Variants in COL4A2 observed in about 807,000 individuals in gnomAD.
COL4A2 encodes the protein collagen type IV alpha 2 chain, also known as collagen alpha-2(IV) chain.
Under a neutral mutation model 200.2 loss-of-function variants are expected in COL4A2, and 99 were observed. The ratio of observed to expected loss-of-function variants is 0.49; its 90% CI spans 0.42 to 0.58. The LOEUF (loss-of-function observed/expected upper bound fraction) is 0.58, where lower values mean the gene tolerates loss of function less well. Among genes scored for constraint, COL4A2 ranks in the 20% least tolerant of loss-of-function variants. The probability of loss-of-function intolerance (pLI) is 0.00; values close to 1 mark genes in which losing one functional copy is unlikely to be tolerated. For missense variants in COL4A2, 1,950 were observed against 2,314.1 expected, an observed-to-expected ratio of 0.84 and a Z score of 3.23; for synonymous variants, 897 against 900.6, an observed-to-expected ratio of 1.00 and a Z score of 0.07.
intron 21 of COL4A2, chr13:110,458,370 G>A (rs1302681509): frequency 3.1e-6 from 1 of 322,362 alleles, no homozygotes; most frequent in Non-Finnish European, 6.1e-6. Flanking sequence ...CTGAGGCCAG[G>A]GCTCTTGCCC....
At chr13:110,325,126 C>T (rs745656854) in intron 3 of COL4A2, among the ~76,000 whole-genome samples, 14 of 152,184 alleles carry the variant, frequency 9.2e-5, no homozygotes, top group Admixed American at 4.6e-4. Context: ...CTTTCTTACA[C>T]CATCCACCTT....
rs1876838741 is a variant in COL4A2 at position 110,349,145 on chromosome 13, T to C, written c.100-8327T>C. Among the ~76,000 whole-genome samples, 2 of 152,190 alleles carry C rather than the reference T, an allele frequency of 1.3e-5. 1 individual carries two copies. The highest frequency in any genetic ancestry group is 1.3e-4 in the Admixed American group (2 of 15,278). The stretch of plus-strand genomic sequence containing the variant: ...ACAATTTGCAGTGGTAGTAGAGAAA[T>C]AGTAGTCTCAAAGAGTTTAAATTGT... On this transcript the variant is annotated intron_variant, in intron 3 of 47. Coordinates refer to ENST00000360467, the MANE Select transcript of COL4A2 (RefSeq NM_001846.4).
chr13:110,373,124 G>A (rs1225382577), intron 4 of COL4A2, among the ~76,000 whole-genome samples: 1 of 152,198 alleles, frequency 6.6e-6, no homozygotes, highest in African/African-American at 2.4e-5. Flanking sequence ...TTTTCTGCCA[G>A]CACTATGAAT....
chr13:110,463,655 C>G (rs947622363), intron 24 of COL4A2, among the ~76,000 whole-genome samples: 1 of 152,170 alleles, frequency 6.6e-6, no homozygotes, highest in Non-Finnish European at 1.5e-5. Context: ...GCCTCAACCT[C>G]CCGAGTACCT....
At chr13:110,495,303 G>T (rs1351583662) in intron 39 of COL4A2, 39 bp from the exon 40 acceptor site, 3 of 1,613,498 alleles carry the variant, frequency 1.9e-6, no homozygotes, top group Non-Finnish European at 2.5e-6. Context: ...TGTATGGTTG[G>T]AAACACCGAC....
chr13:110,382,237 C>A (rs1009546494), intron 4 of COL4A2, among the ~76,000 whole-genome samples: 3 of 152,196 alleles, frequency 2.0e-5, no homozygotes, highest in Non-Finnish European at 4.4e-5. Flanking sequence ...TATTTGAGGA[C>A]AGTTTTTTCT....
chr13:110,331,497 C>G (rs1875912001), intron 3 of COL4A2, among the ~76,000 whole-genome samples: 2 of 152,204 alleles, frequency 1.3e-5, no homozygotes. Flanking sequence ...ACCCTCGTTA[C>G]TGGGCCGCTG....
intron 3 of COL4A2, among the ~76,000 whole-genome samples, chr13:110,313,077 C>T (rs528630064): frequency 2.0e-5 from 3 of 152,236 alleles, no homozygotes; most frequent in African/African-American, 7.2e-5. Context: ...ACCAGGATAT[C>T]GCTTAGAAAT....
Position 110,429,870 on chromosome 13 carries a change from A to G in COL4A2, c.478-15A>G, listed in dbSNP as rs1487729679. 2 of 1,612,652 alleles carry G rather than the reference A, an allele frequency of 1.2e-6. No individual in the cohort carries two copies. The highest frequency in any genetic ancestry group is 1.3e-5 in the African/African-American group (1 of 74,840). ...TTTTGTTGTTTTTTCTTTTTACAAT[A>G]TATCTGCTAATTAGGGGCCCCAAGG... is the stretch of plus-strand genomic sequence containing the variant. On this transcript the variant is annotated splice_polypyrimidine_tract_variant and intron_variant, in intron 7 of 47. Transcript: ENST00000360467.
At position 110,465,755 on chromosome 13, in the gene COL4A2, G is replaced by A. The variant is rs1983931; in HGVS notation, c.1978+149G>A. On this transcript the variant is annotated intron_variant, in intron 25 of 47. Transcript: ENST00000360467. Reference sequence around the variant, plus strand: ...CGTACAAGGGATGACCCAACTGTGAGGTTTCTGAGCCCCCACCAGCCTCCC... The same window carrying A: ...CGTACAAGGGATGACCCAACTGTGAAGTTTCTGAGCCCCCACCAGCCTCCC... The A allele has an allele frequency of 0.56, 485,520 of 862,410 alleles. 141,431 individuals carry two copies. The highest frequency in any genetic ancestry group is 0.65 in the Middle Eastern group (1,799 of 2,770). The allele number at this position is 862,410 out of a possible 1,614,324, so 53.4% of individuals were successfully genotyped here. A position where few individuals can be genotyped will look rare whatever the true frequency, so the allele number is the denominator to read the frequency against.
chr13:110,476,874 C>T (rs933854416), intron 29 of COL4A2, among the ~76,000 whole-genome samples: 4 of 152,192 alleles, frequency 2.6e-5, no homozygotes, highest in African/African-American at 9.6e-5. Context: ...CACATGTGCA[C>T]ACACACCCAC....
At position 110,313,512 on chromosome 13, in the gene COL4A2, G is replaced by A. The variant is rs1163721798; in HGVS notation, c.99+5389G>A. Among the ~76,000 whole-genome samples, 44 of 146,368 alleles carry A rather than the reference G, an allele frequency of 3.0e-4. 2 individuals are homozygous for A. The highest frequency in any genetic ancestry group is 1.0e-3 in the African/African-American group (41 of 39,626). On this transcript the variant is annotated intron_variant, in intron 3 of 47. Coordinates refer to ENST00000360467, the MANE Select transcript of COL4A2 (RefSeq NM_001846.4). The stretch of plus-strand genomic sequence containing the variant: ...GCAGGCTCCCACCCCGGTGCCCCGC[G>A]TCCACCCGGCAGGCTCCCACCCCGG...
At chr13:110,478,245 T>G in intron 30 of COL4A2, 81 bp downstream of exon 30, 1 of 1,365,880 alleles carries the variant, frequency 7.3e-7, no homozygotes, top group Admixed American at 3.0e-5. Context: ...CTTGTGGAGC[T>G]CTCAAAGTCT....
At chr13:110,476,177 C>T (rs922865315) in intron 29 of COL4A2, among the ~76,000 whole-genome samples, 1 of 151,948 alleles carries the variant, frequency 6.6e-6, no homozygotes, top group East Asian at 1.9e-4. Context: ...AGATCCCCAC[C>T]CCATTGTTCT....
At chr13:110,465,855 C>G in intron 25 of COL4A2, 148 bp from the exon 26 acceptor site, 5 of 1,016,318 alleles carry the variant, frequency 4.9e-6, no homozygotes, top group Non-Finnish European at 7.2e-6. Flanking sequence ...TCAGAGATGG[C>G]TTTCCCGTTC....
chr13:110,468,030 C>T (rs141907085), intron 27 of COL4A2: 187 of 409,296 alleles, frequency 4.6e-4, no homozygotes, highest in African/African-American at 3.3e-3. Flanking sequence ...GACAGGTGTT[C>T]TAGATGCTTC....
Position 110,503,145 on chromosome 13 carries a change from C to A in COL4A2, c.3902C>A (p.Pro1301Gln). The part of the protein sequence containing the change: ...LKGYRGPPGP[P>Q]GSAALPGSKG... ...GGTTATCGGGGCCCACCAGGGCCAC[C>A]AGGTTCTGCTGCTCTTCCTGGAAGC... is the stretch of plus-strand genomic sequence containing the variant. The change falls in exon 42 of 48, where the codon CCA (proline) becomes CAA (glutamine). Residue 1301 changes from proline to glutamine, a missense_variant. By Grantham distance (76) the Pro-to-Gln change is moderately conservative (BLOSUM62 -1). Around this residue, in one of 2 missense-constraint regions of COL4A2, gnomAD observed 1,385 missense variants for 1,720.5 expected, o/e 0.80. Coordinates refer to ENST00000360467, the MANE Select transcript of COL4A2 (RefSeq NM_001846.4). 1 of 1,613,890 alleles carries A rather than the reference C, an allele frequency of 6.2e-7. No individual in the cohort carries two copies. Among genetic ancestry groups the A allele is most frequent in the South Asian group, 1.1e-5 (1 of 91,082 alleles).
intron 32 of COL4A2, 140 bp from the exon 33 acceptor site, chr13:110,484,764 TC>T: frequency 1.6e-6 from 2 of 1,243,202 alleles, no homozygotes; most frequent in Non-Finnish European, 2.1e-6. Context: ...GAGAGGCTTC[TC>T]CGGCGCCCTT....
chr13:110,349,244 A>G (rs1876846286), intron 3 of COL4A2, among the ~76,000 whole-genome samples: 1 of 152,230 alleles, frequency 6.6e-6, no homozygotes, highest in South Asian at 2.1e-4. Context: ...ATAAGGACCA[A>G]TCTGCCATGG....
Sources: gnomAD v4.1 joint callset for allele counts (sites outside exome capture counted in the v4.1 genomes callset) on GRCh38, gnomAD v4.1.1 for gene constraint, gnomAD v4.1.1 regional missense constraint, MANE v1.5 for transcripts, NCBI Gene and HGNC (gene_info 2026-07-23, HGNC 2026-07-21) for gene names.